Variants in SAMD4A observed in about 807,000 individuals in gnomAD.
The protein encoded by SAMD4A is sterile alpha motif domain containing 4A.
Under a neutral mutation model 81.3 loss-of-function variants are expected in SAMD4A, and 33 were observed. That is an observed-to-expected ratio of 0.41 (90% CI 0.31 to 0.54). SAMD4A has a LOEUF of 0.54. Among genes scored for constraint, SAMD4A ranks in the 20% least tolerant of loss-of-function variants. SAMD4A has a pLI of 0.37. For missense variants in SAMD4A, 854 were observed against 951.1 expected, an observed-to-expected ratio of 0.90 and a Z score of 1.34; for synonymous variants, 389 against 382.1, an observed-to-expected ratio of 1.02 and a Z score of -0.21.
chr14:54,717,463 A>C (rs1028352075), intron 3 of SAMD4A, among the ~76,000 whole-genome samples: 24 of 152,004 alleles, frequency 1.6e-4, no homozygotes, highest in African/African-American at 5.3e-4. Flanking sequence ...AAAAGAAAGA[A>C]ATTTTTTTCA....
intron 2 of SAMD4A, among the ~76,000 whole-genome samples, chr14:54,608,726 G>A (rs754224820): frequency 3.9e-5 from 6 of 152,200 alleles, no homozygotes; most frequent in Non-Finnish European, 8.8e-5. Flanking sequence ...GCCCAACTGT[G>A]TATTTTTAGT....
chr14:54,732,741 T>C (rs1051553064), intron 3 of SAMD4A, among the ~76,000 whole-genome samples: 1 of 152,314 alleles, frequency 6.6e-6, no homozygotes, highest in South Asian at 2.1e-4. Flanking sequence ...CAGTGAGGTA[T>C]GTATTTAACC....
chr14:54,702,913 A>T (rs1370265088), intron 3 of SAMD4A: 4 of 271,674 alleles, frequency 1.5e-5, no homozygotes, highest in Admixed American at 4.7e-5. Context: ...GGGGTTTTGG[A>T]TTTGCTGAGA....
intron 2 of SAMD4A, among the ~76,000 whole-genome samples, chr14:54,587,946 G>A (rs925873528): frequency 1.3e-5 from 2 of 152,156 alleles, no homozygotes; most frequent in East Asian, 3.8e-4. Flanking sequence ...TTTTGGAATA[G>A]TGTCAATAGG....
At chr14:54,707,405 G>C (rs2036887056) in intron 3 of SAMD4A, among the ~76,000 whole-genome samples, 1 of 151,934 alleles carries the variant, frequency 6.6e-6, no homozygotes, top group African/African-American at 2.4e-5. Flanking sequence ...CACCCAGCCT[G>C]ACATACATTA....
intron 6 of SAMD4A, among the ~76,000 whole-genome samples, chr14:54,759,705 C>T (rs2038339746): frequency 6.6e-6 from 1 of 152,194 alleles, no homozygotes; most frequent in Non-Finnish European, 1.5e-5. Context: ...TGCTCTTAAT[C>T]GCTACCCTGT....
chr14:54,729,278 A>G (rs2037500358), intron 3 of SAMD4A, among the ~76,000 whole-genome samples: 1 of 152,190 alleles, frequency 6.6e-6, no homozygotes. Flanking sequence ...GCTGTATTGC[A>G]TAAACCTCAG....
At chr14:54,626,050 GTGTGT>G in intron 2 of SAMD4A, among the ~76,000 whole-genome samples, 1 of 131,046 alleles carries the variant, frequency 7.6e-6, no homozygotes, top group Non-Finnish European at 1.6e-5. Context: ...GTGTGTGTGT[GTGTGT>G]GTGTGCGCGC....
chr14:54,710,902 G>A (rs916531174), intron 3 of SAMD4A, among the ~76,000 whole-genome samples: 2 of 152,182 alleles, frequency 1.3e-5, no homozygotes, highest in Non-Finnish European at 2.9e-5. Context: ...AGAAATTTTG[G>A]AAATGTCAAA....
chr14:54,655,568 C>T (rs1458163394), intron 2 of SAMD4A, among the ~76,000 whole-genome samples: 1 of 127,772 alleles, frequency 7.8e-6, no homozygotes, highest in East Asian at 2.9e-4. Context: ...CCCGTCTCTA[C>T]TAAAAATACA....
chr14:54,725,562 G>T (rs1034886621), intron 3 of SAMD4A, among the ~76,000 whole-genome samples: 2 of 152,214 alleles, frequency 1.3e-5, no homozygotes, highest in Non-Finnish European at 2.9e-5. Context: ...CATGCCACAT[G>T]TAATAGGCTG....
intron 2 of SAMD4A, among the ~76,000 whole-genome samples, chr14:54,652,501 T>C (rs1191864943): frequency 6.6e-6 from 1 of 152,228 alleles, no homozygotes; most frequent in African/African-American, 2.4e-5. Context: ...CATTTAATTA[T>C]ATTCCTTCTC....
intron 2 of SAMD4A, among the ~76,000 whole-genome samples, chr14:54,628,004 C>T (rs1229433655): frequency 6.6e-6 from 1 of 150,898 alleles, no homozygotes; most frequent in Non-Finnish European, 1.5e-5. Flanking sequence ...TTTATTTTAG[C>T]ATATCAAGAT....
intron 6 of SAMD4A, among the ~76,000 whole-genome samples, chr14:54,753,864 T>G (rs1322736435): frequency 1.3e-5 from 2 of 152,360 alleles, no homozygotes; most frequent in South Asian, 2.1e-4. Context: ...TATACTACTT[T>G]AGAAAGCAGC....
At position 54,567,573 on chromosome 14, in the gene SAMD4A, A is replaced by C. The variant is rs940285002; in HGVS notation, c.-344A>C. The C allele has an allele frequency of 2.1e-5, 6 of 281,850 alleles. No individual in the cohort carries two copies. Among genetic ancestry groups the C allele is most frequent in the African/African-American group, 1.4e-4 (6 of 43,536 alleles). 17.5% of individuals were successfully genotyped at this position (281,850 alleles called of 1,614,324 possible). A position where few individuals can be genotyped will look rare whatever the true frequency, so the allele number is the denominator to read the frequency against. On this transcript the variant is annotated 5_prime_UTR_variant, in exon 2 of 13. Transcript: ENST00000554335. ...CGGGGAGGAGACCCCAGGACGCCGG[A>C]AATCACCATCCCAAAGCTGCAAGAA...
intron 2 of SAMD4A, among the ~76,000 whole-genome samples, chr14:54,628,339 C>T (rs1298499390): frequency 1.3e-5 from 2 of 152,144 alleles, no homozygotes; most frequent in African/African-American, 4.8e-5. Flanking sequence ...GAGACTCCGC[C>T]GGCCTTCATG....
chr14:54,570,867 A>G (rs970820887), intron 2 of SAMD4A, among the ~76,000 whole-genome samples: 4 of 152,130 alleles, frequency 2.6e-5, no homozygotes, highest in Non-Finnish European at 5.9e-5. Flanking sequence ...GTGCAGAATG[A>G]CTCATTCATT....
chr14:54,611,899 A>G (rs1017805495), intron 2 of SAMD4A, among the ~76,000 whole-genome samples: 3 of 152,014 alleles, frequency 2.0e-5, no homozygotes, highest in South Asian at 4.2e-4. Flanking sequence ...AAGAAAAAAG[A>G]AAAGAAGCCA....
At chr14:54,746,119 T>C (rs1008209320) in intron 4 of SAMD4A, among the ~76,000 whole-genome samples, 10 of 152,230 alleles carry the variant, frequency 6.6e-5, no homozygotes, top group African/African-American at 2.4e-4. Flanking sequence ...TTCTCTGGTT[T>C]GTTTCTCTTT....
Sources: allele counts gnomAD v4.1 joint callset (sites outside exome capture counted in the v4.1 genomes callset), GRCh38; gene constraint gnomAD v4.1.1; transcripts MANE v1.5; gene names NCBI Gene and HGNC (gene_info 2026-07-23, HGNC 2026-07-21).